Variants in SLC24A4 observed in about 807,000 individuals in gnomAD.
SLC24A4 encodes the protein sodium/potassium/calcium exchanger 4.
Under a neutral mutation model 79.0 loss-of-function variants are expected in SLC24A4, and 53 were observed. The observed-to-expected ratio is 0.67, with a 90% CI of 0.54 to 0.84. The LOEUF is 0.84. Among genes scored for constraint, SLC24A4 ranks in the 40% least tolerant of loss-of-function variants. The pLI is 0.00. For missense variants in SLC24A4, 731 were observed against 822.0 expected, an observed-to-expected ratio of 0.89 and a Z score of 1.35; for synonymous variants, 323 against 323.8, an observed-to-expected ratio of 1.00 and a Z score of 0.03.
intron 2 of SLC24A4, among the ~76,000 whole-genome samples, chr14:92,422,250 A>T (rs561751098): frequency 6.6e-6 from 1 of 152,348 alleles, no homozygotes; most frequent in South Asian, 2.1e-4. Flanking sequence ...CATAACCATT[A>T]TCCTATTCCT....
At position 92,323,912 on chromosome 14, in the gene SLC24A4, G is replaced by A; in HGVS notation, c.82G>A (p.Ala28Thr). Reference sequence around the variant, plus strand: ...GCCGCAGCAAGTCGGCTTCGTGTGCGCGGTGCTGGCCCTGGTGTGCTGTGC... The same window carrying A: ...GCCGCAGCAAGTCGGCTTCGTGTGCACGGTGCTGGCCCTGGTGTGCTGTGC... ...MLPQQVGFVC[A>T]VLALVCCASG... Residue 28 changes from alanine to threonine, a missense_variant, in exon 1 of 17, where the codon GCG (alanine) becomes ACG (threonine). Ala to Thr is a moderately conservative substitution (Grantham distance 58). Coordinates refer to ENST00000532405, the MANE Select transcript of SLC24A4 (RefSeq NM_153646.4). This position sits in a 1 kb window ranked among gnomAD's most constrained non-coding sequence, Gnocchi z 4.9. The A allele has an allele frequency of 6.2e-7, 1 of 1,610,540 alleles. No individual in the cohort carries two copies. The highest frequency in any genetic ancestry group is 8.5e-7 in the Non-Finnish European group (1 of 1,179,816).
intron 2 of SLC24A4, among the ~76,000 whole-genome samples, chr14:92,374,665 A>C (rs1427828251): frequency 6.6e-6 from 1 of 152,124 alleles, no homozygotes; most frequent in Non-Finnish European, 1.5e-5. Context: ...TTTTCTCATG[A>C]TGCTCCGCAT....
intron 2 of SLC24A4, among the ~76,000 whole-genome samples, chr14:92,363,770 C>T (rs1282351211): frequency 6.6e-6 from 1 of 151,916 alleles, no homozygotes; most frequent in Non-Finnish European, 1.5e-5. Context: ...GTGCAGGTTG[C>T]AGTGAGCTGA....
At chr14:92,343,633 T>C (rs1185818922) in intron 2 of SLC24A4, among the ~76,000 whole-genome samples, 1,042 of 94,872 alleles carry the variant, frequency 0.011, 6 homozygotes, top group Non-Finnish European at 0.016. Context: ...TCTTTCTTTC[T>C]TTCTTTCTCT....
chr14:92,474,863 A>ATTTTT (rs34398420), intron 12 of SLC24A4, among the ~76,000 whole-genome samples: 3 of 57,120 alleles, frequency 5.3e-5, no homozygotes, highest in South Asian at 5.7e-4. Flanking sequence ...ATATATATAT[A>ATTTTT]TTTTTTTTTT....
chr14:92,401,133 G>A (rs2141763266), intron 2 of SLC24A4, among the ~76,000 whole-genome samples: 1 of 152,238 alleles, frequency 6.6e-6, no homozygotes, highest in Middle Eastern at 3.4e-3. Flanking sequence ...TCATCCCCCT[G>A]TCTCATAAGG....
chr14:92,458,376 G>A (rs577310899), intron 12 of SLC24A4, among the ~76,000 whole-genome samples: 78 of 152,286 alleles, frequency 5.1e-4, no homozygotes, highest in African/African-American at 1.7e-3. Flanking sequence ...GTCTCGGCCC[G>A]TCTCAAACGC....
chr14:92,374,505 G>T (rs1315981842), intron 2 of SLC24A4, among the ~76,000 whole-genome samples: 1 of 152,192 alleles, frequency 6.6e-6, no homozygotes, highest in Non-Finnish European at 1.5e-5. Flanking sequence ...CCATGTCCAT[G>T]TTACTCCCAG....
At chr14:92,361,073 C>T (rs1271305844) in intron 2 of SLC24A4, among the ~76,000 whole-genome samples, 1 of 152,204 alleles carries the variant, frequency 6.6e-6, no homozygotes, top group Non-Finnish European at 1.5e-5. Flanking sequence ...CCTCTGCTTT[C>T]AGGTAGACAA....
chr14:92,483,189 T>A (rs1895159254), intron 13 of SLC24A4, among the ~76,000 whole-genome samples: 1 of 152,026 alleles, frequency 6.6e-6, no homozygotes. Flanking sequence ...CCCAAGGGAA[T>A]GTGAAGGAAG....
At chr14:92,357,272 C>T (rs147872193) in intron 2 of SLC24A4, among the ~76,000 whole-genome samples, 12 of 152,218 alleles carry the variant, frequency 7.9e-5, no homozygotes, top group African/African-American at 2.9e-4. Context: ...GGCTGATTGC[C>T]AGAAAGAATC....
intron 2 of SLC24A4, among the ~76,000 whole-genome samples, chr14:92,388,604 C>T (rs916184822): frequency 6.6e-6 from 1 of 152,238 alleles, no homozygotes; most frequent in African/African-American, 2.4e-5. Context: ...TGCAGCTGTG[C>T]ATTTGTATAG....
chr14:92,435,404 G>A (rs1892110723), intron 3 of SLC24A4, among the ~76,000 whole-genome samples: 1 of 152,194 alleles, frequency 6.6e-6, no homozygotes, highest in Non-Finnish European at 1.5e-5. Context: ...CACTTCAGAG[G>A]CAGAGCTGAG....
At chr14:92,345,093 G>C (rs1378036739) in intron 2 of SLC24A4, among the ~76,000 whole-genome samples, 1 of 152,140 alleles carries the variant, frequency 6.6e-6, no homozygotes, top group African/African-American at 2.4e-5. Context: ...AGGGTGCTTT[G>C]TGCCCTAATG....
intron 2 of SLC24A4, among the ~76,000 whole-genome samples, chr14:92,417,919 A>C (rs1004794904): frequency 1.3e-5 from 2 of 152,216 alleles, no homozygotes; most frequent in Non-Finnish European, 2.9e-5. Flanking sequence ...AAACTGCCTA[A>C]CACCACATTT....
chr14:92,475,018 T>C (rs1436491705), intron 12 of SLC24A4, among the ~76,000 whole-genome samples: 3 of 151,418 alleles, frequency 2.0e-5, no homozygotes, highest in Admixed American at 2.0e-4. Context: ...CCTGTGTCTT[T>C]ATTGATATAC....
intron 2 of SLC24A4, among the ~76,000 whole-genome samples, chr14:92,433,402 T>C (rs956715157): frequency 2.0e-5 from 3 of 152,260 alleles, no homozygotes; most frequent in Admixed American, 1.3e-4. Flanking sequence ...AATATGGCTA[T>C]GAACATTGAT....
chr14:92,392,481 T>C (rs1445417472), intron 2 of SLC24A4, among the ~76,000 whole-genome samples: 6 of 151,994 alleles, frequency 3.9e-5, no homozygotes, highest in Non-Finnish European at 8.8e-5. Flanking sequence ...CCTCGAGGTA[T>C]GTATCGGGGT....
intron 3 of SLC24A4, among the ~76,000 whole-genome samples, chr14:92,437,315 A>C (rs1211772618): frequency 6.6e-6 from 1 of 152,056 alleles, no homozygotes; most frequent in Non-Finnish European, 1.5e-5. Context: ...TTTACTGGCC[A>C]ATTTGCTTCT....
Sources: gnomAD v4.1 joint callset for allele counts (sites outside exome capture counted in the v4.1 genomes callset) on GRCh38, gnomAD v4.1.1 for gene constraint, Gnocchi (gnomAD v3.1) non-coding constraint, MANE v1.5 for transcripts, NCBI Gene and HGNC (gene_info 2026-07-23, HGNC 2026-07-21) for gene names.